MIB1: variants seen among roughly 807,000 people sequenced by gnomAD.
MIB1 encodes MIB E3 ubiquitin protein ligase 1.
A neutral mutation model predicts 124.5 loss-of-function variants in MIB1; 278 were observed. That is an observed-to-expected ratio of 2.23 (90% CI 2.02 to 2.47). The LOEUF is 2.47. Among genes scored for constraint, MIB1 ranks in the 30% most tolerant of loss-of-function variants. The probability of loss-of-function intolerance (pLI) is 0.00; values close to 1 mark genes in which losing one functional copy is unlikely to be tolerated. For missense variants in MIB1, 957 were observed against 1,254.4 expected (o/e 0.76, Z 3.58); for synonymous variants, 446 against 429.4 (o/e 1.04, Z -0.48).
At chr18:21,751,339 C>T (rs1015592924) in intron 1 of MIB1, among the ~76,000 whole-genome samples, 3 of 152,060 alleles carry the variant, frequency 2.0e-5, no homozygotes, top group Admixed American at 6.6e-5. Flanking sequence ...TGCAGTGGCA[C>T]GATCTTGGCT....
At chr18:21,707,383 T>G (rs999512016) in intron 1 of MIB1, among the ~76,000 whole-genome samples, 3 of 152,092 alleles carry the variant, frequency 2.0e-5, no homozygotes, top group African/African-American at 7.2e-5. Context: ...ATCAGCAGGA[T>G]GTGGGTGGGG....
chr18:21,741,433 C>G lies in MIB1; in HGVS notation c.-151C>G. ...TTGGGCTCCGCGGGGACCGCGCCGC[C>G]GCCCCCGTGAGTTATTCTCACGTCC... On this transcript the variant is annotated 5_prime_UTR_variant, in exon 1 of 21. Coordinates refer to ENST00000261537, the MANE Select transcript of MIB1 (RefSeq NM_020774.4). The surrounding 1 kb of genome is among the most constrained non-coding windows in gnomAD (Gnocchi z 5.4). The G allele has an allele frequency of 2.9e-6, 1 of 346,708 alleles. No individual in the cohort carries two copies. Among genetic ancestry groups the G allele is most frequent in the Non-Finnish European group, 4.8e-6 (1 of 210,176 alleles). 21.5% of individuals were successfully genotyped at this position (346,708 alleles called of 1,614,324 possible).
At position 21,741,593 on chromosome 18, in the gene MIB1, T is replaced by C; in HGVS notation, c.10T>C (p.Ser4Pro). 3.2e-6 allele frequency: 5 copies of C among 1,556,424 alleles called. No homozygotes were observed. The highest frequency in any genetic ancestry group is 4.3e-6 in the Non-Finnish European group (5 of 1,155,868). Residue 4 changes from serine to proline, a missense_variant, in exon 1 of 21, where the codon TCC (serine) becomes CCC (proline). Ser to Pro is a moderately conservative substitution (Grantham distance 74). Transcript: ENST00000261537. This position sits in a 1 kb window ranked among gnomAD's most constrained non-coding sequence, Gnocchi z 5.4. ...CACCGCCCGGGCCCCGATGAGTAAC[T>C]CCCGGAATAACCGGGTGATGGTGGA... Reference protein sequence around the residue: MSNSRNNRVMVEGV... With the variant: MSNPRNNRVMVEGV...
chr18:21,735,142 T>A (rs954687622), intron 1 of MIB1, among the ~76,000 whole-genome samples: 1 of 152,166 alleles, frequency 6.6e-6, no homozygotes, highest in Non-Finnish European at 1.5e-5. Flanking sequence ...CCCAGCGAGA[T>A]GGATGCAGAA....
intron 12 of MIB1, chr18:21,825,623 A>G (rs2146485708): frequency 2.0e-6 from 1 of 488,006 alleles, no homozygotes; most frequent in Non-Finnish European, 4.3e-6. Context: ...CACAGTCTGC[A>G]TAATGTAAAT....
chr18:21,783,402 C>G (rs2041394634), intron 6 of MIB1, among the ~76,000 whole-genome samples: 3 of 151,928 alleles, frequency 2.0e-5, no homozygotes, highest in Non-Finnish European at 4.4e-5. Flanking sequence ...TCCACCAAGC[C>G]CAGCTAATTT....
rs1445270972 is a variant in MIB1, at chr18:21,741,527, C to A, written c.-57C>A. On this transcript the variant is annotated 5_prime_UTR_variant, in exon 1 of 21. Coordinates refer to ENST00000261537, the MANE Select transcript of MIB1 (RefSeq NM_020774.4). The surrounding 1 kb of genome is among the most constrained non-coding windows in gnomAD (Gnocchi z 5.4). ...CGGGCCCAACTCCCTCACGGGCCCC[C>A]CGGCGGCAGCGGCGGCGGCGGCGGC... The A allele has an allele frequency of 1.6e-6, 2 of 1,272,002 alleles. No homozygotes were observed. The highest frequency in any genetic ancestry group is 2.0e-6 in the Non-Finnish European group (2 of 999,620). 78.8% of individuals were successfully genotyped at this position (1,272,002 alleles called of 1,614,324 possible).
At chr18:21,747,567 T>A (rs1360804900) in intron 1 of MIB1, among the ~76,000 whole-genome samples, 1 of 152,228 alleles carries the variant, frequency 6.6e-6, no homozygotes, top group Non-Finnish European at 1.5e-5. Context: ...GCCTTGATTG[T>A]TTGTTGGTAA....
intron 1 of MIB1, among the ~76,000 whole-genome samples, chr18:21,725,057 T>C (rs562813897): frequency 6.3e-4 from 84 of 133,942 alleles, no homozygotes; most frequent in Middle Eastern, 4.1e-3. Flanking sequence ...ATTGTGCCAC[T>C]GCACTCCAGC....
intron 1 of MIB1, among the ~76,000 whole-genome samples, chr18:21,745,955 C>T (rs1372916852): frequency 1.3e-5 from 2 of 152,256 alleles, no homozygotes; most frequent in African/African-American, 2.4e-5. Context: ...GATCCATAGC[C>T]TCAGCCTCCC....
chr18:21,741,481 G>C lies in MIB1; in HGVS notation c.-103G>C. 7.5e-5 allele frequency: 42 copies of C among 561,726 alleles called. No individual in the cohort carries two copies. Among genetic ancestry groups the C allele is most frequent in the Non-Finnish European group, 6.4e-5 (27 of 419,038 alleles). The allele number at this position is 561,726 out of a possible 1,614,324, so 34.8% of individuals were successfully genotyped here. ...TCCCCCGGGGCTCGCTGCCGCCCCC[G>C]CCGACGCCTAGAGTCCGGCCCGGGC... is the stretch of plus-strand genomic sequence containing the variant. On this transcript the variant is annotated 5_prime_UTR_variant, in exon 1 of 21. Coordinates refer to ENST00000261537, the MANE Select transcript of MIB1 (RefSeq NM_020774.4). This position sits in a 1 kb window ranked among gnomAD's most constrained non-coding sequence, Gnocchi z 5.4.
At chr18:21,821,922 C>A (rs182340610) in intron 12 of MIB1, among the ~76,000 whole-genome samples, 61 of 152,182 alleles carry the variant, frequency 4.0e-4, no homozygotes, top group South Asian at 3.9e-3. Context: ...ATTTATTATA[C>A]TTACTATATA....
intron 1 of MIB1, among the ~76,000 whole-genome samples, chr18:21,735,333 G>A (rs572371002): frequency 6.6e-6 from 1 of 152,296 alleles, no homozygotes; most frequent in East Asian, 1.9e-4. Context: ...GGGGTACTCC[G>A]GATCAGATAC....
chr18:21,817,154 CTTTTTTTTTTTTT>C (rs1040673828), intron 11 of MIB1, among the ~76,000 whole-genome samples: 10 of 75,014 alleles, frequency 1.3e-4, no homozygotes, highest in Admixed American at 5.8e-4. Context: ...GTTAGGAATT[CTTTTTTTTTTTTT>C]TTTTTTTTTT....
intron 10 of MIB1, among the ~76,000 whole-genome samples, chr18:21,815,197 C>T (rs2041819085): frequency 6.6e-6 from 1 of 151,070 alleles, no homozygotes; most frequent in Non-Finnish European, 1.5e-5. Context: ...GAGACAGGGT[C>T]TCACTCTGTT....
chr18:21,856,236 C>CAAAA (rs5823315), intron 18 of MIB1, among the ~76,000 whole-genome samples: 3 of 123,014 alleles, frequency 2.4e-5, no homozygotes, highest in Admixed American at 8.2e-5. Flanking sequence ...GACTCCGTCT[C>CAAAA]AAAAAAAAAA....
chr18:21,748,587 G>A (rs1420190364), intron 1 of MIB1, among the ~76,000 whole-genome samples: 1 of 151,630 alleles, frequency 6.6e-6, no homozygotes, highest in African/African-American at 2.4e-5. Flanking sequence ...GCACCACCAT[G>A]CACAGCTAAT....
intron 16 of MIB1, among the ~76,000 whole-genome samples, chr18:21,847,504 A>G (rs1242806150): frequency 6.6e-6 from 1 of 152,128 alleles, no homozygotes; most frequent in East Asian, 1.9e-4. Context: ...TTGTATTATT[A>G]TTATTTTTTA....
chr18:21,782,039 A>G (rs866463233), intron 6 of MIB1, among the ~76,000 whole-genome samples: 1 of 151,666 alleles, frequency 6.6e-6, no homozygotes, highest in Non-Finnish European at 1.5e-5. Flanking sequence ...TCTTCCTTCT[A>G]CTATTGGATT....
Sources: gnomAD v4.1 joint callset for allele counts (sites outside exome capture counted in the v4.1 genomes callset) on GRCh38, gnomAD v4.1.1 for gene constraint, Gnocchi (gnomAD v3.1) non-coding constraint, MANE v1.5 for transcripts, NCBI Gene and HGNC (gene_info 2026-07-23, HGNC 2026-07-21) for gene names.